Variants in PDE1A observed in about 807,000 individuals in gnomAD.
PDE1A encodes the protein phosphodiesterase 1A.
A neutral mutation model predicts 61.7 loss-of-function variants in PDE1A; 35 were observed. The observed-to-expected ratio is 0.57, with a 90% confidence interval of 0.43 to 0.75. The LOEUF is 0.75. Among genes scored for constraint, PDE1A ranks in the 30% least tolerant of loss-of-function variants. The pLI is 0.00. For synonymous variants in PDE1A, 232 were observed against 213.2 expected (o/e 1.09, Z -0.77); for missense variants, 597 against 630.6 (o/e 0.95, Z 0.57).
intron 2 of PDE1A, among the ~76,000 whole-genome samples, chr2:182,483,538 A>G (rs1323748045): frequency 2.0e-5 from 3 of 151,916 alleles, no homozygotes; most frequent in Non-Finnish European, 4.4e-5. Flanking sequence ...AAAACAAACA[A>G]CATACTCTAA....
chr2:182,663,798 C>A, the PDE1A span, among the ~76,000 whole-genome samples: 1 of 151,828 alleles, frequency 6.6e-6, no homozygotes, highest in South Asian at 2.1e-4. Context: ...GTATAACAAA[C>A]CTTCACATGT....
the PDE1A span, among the ~76,000 whole-genome samples, chr2:182,620,004 C>T: frequency 1.3e-5 from 2 of 152,170 alleles, no homozygotes; most frequent in East Asian, 3.9e-4. Context: ...GGCCTAATCA[C>T]CTCTTAAAGG....
At chr2:182,320,106 G>C (rs56332766) in intron 1 of PDE1A, among the ~76,000 whole-genome samples, 17,661 of 152,154 alleles carry the variant, frequency 0.12, 1,429 homozygotes, top group Non-Finnish European at 0.18. Context: ...AGTCAAGACT[G>C]GACAAATACA....
exon 14 of PDE1A, chr2:182,147,091 CTCA>C (rs1347359400): frequency 1.2e-6 from 2 of 1,604,750 alleles, no homozygotes; most frequent in South Asian, 1.1e-5. Context: ...ATGAATGTGT[CTCA>C]TCATGTTTTT....
intron 1 of PDE1A, among the ~76,000 whole-genome samples, chr2:182,378,474 T>G (rs1574493079): frequency 6.6e-6 from 1 of 152,342 alleles, no homozygotes; most frequent in African/African-American, 2.4e-5. Flanking sequence ...AGACCTGTGT[T>G]ATATAGTATA....
At chr2:182,429,298 T>G (rs1703797977), upstream of PDE1A, among the ~76,000 whole-genome samples, 1 of 152,142 alleles carries the variant, frequency 6.6e-6, no homozygotes. Context: ...AACTTTAATG[T>G]AGTATTCAAT....
At position 182,371,823 on chromosome 2, in the gene PDE1A, T is replaced by C. The variant is rs1321026330; in HGVS notation, c.53+54755A>G. 4.6e-5 allele frequency among the ~76,000 whole-genome samples: 7 copies of C among 152,332 alleles called. No homozygotes were observed. In the South Asian group the frequency reaches 8.3e-4, roughly 18 times the overall value. On this transcript the variant is annotated intron_variant, in intron 1 of 13. Coordinates refer to ENST00000351439, the Ensembl canonical transcript of PDE1A. ...TATTTAGAGACAGGGTCTCACTCTG[T>C]CACCAGGCTGGAGTGCAGTGATGCC...
At chr2:182,561,709 G>C in the PDE1A span, among the ~76,000 whole-genome samples, 1 of 151,928 alleles carries the variant, frequency 6.6e-6, no homozygotes, top group Non-Finnish European at 1.5e-5. Context: ...TCTTCCATTT[G>C]TTTGTATCCT....
At chr2:182,377,205 G>C (rs556300325) in intron 1 of PDE1A, among the ~76,000 whole-genome samples, 1 of 152,276 alleles carries the variant, frequency 6.6e-6, no homozygotes, top group African/African-American at 2.4e-5. Context: ...AGAAGTATTT[G>C]GTTCATGAGG....
chr2:182,522,347 T>A (rs374930760), exon 2 of PDE1A: 2 of 1,613,636 alleles, frequency 1.2e-6, no homozygotes, highest in Non-Finnish European at 1.7e-6. Flanking sequence ...TGTTTTCCAA[T>A]TCTTCAATCT....
the PDE1A span, among the ~76,000 whole-genome samples, chr2:182,681,614 A>G: frequency 2.0e-5 from 3 of 150,272 alleles, no homozygotes; most frequent in East Asian, 1.9e-4. Flanking sequence ...ATTTGTCAAT[A>G]TCTACTTAAG....
intron 2 of PDE1A, among the ~76,000 whole-genome samples, chr2:182,518,631 CT>C (rs1461508879): frequency 6.6e-6 from 1 of 152,120 alleles, no homozygotes; most frequent in Non-Finnish European, 1.5e-5. Context: ...GTGATAGATT[CT>C]AGTACTATGT....
chr2:182,454,365 T>G (rs78411735), intron 2 of PDE1A, among the ~76,000 whole-genome samples: 62,401 of 151,936 alleles, frequency 0.41, 13,496 homozygotes, highest in East Asian at 0.73. Flanking sequence ...ATAGATTCAA[T>G]GGTATCCCCA....
At chr2:182,226,671 C>T (rs1689167080) in intron 6 of PDE1A, among the ~76,000 whole-genome samples, 1 of 149,652 alleles carries the variant, frequency 6.7e-6, no homozygotes, top group African/African-American at 2.5e-5. Context: ...GTCACTCTTC[C>T]CAACTACAGC....
chr2:182,663,322 G>T, the PDE1A span, among the ~76,000 whole-genome samples: 1 of 151,904 alleles, frequency 6.6e-6, no homozygotes, highest in Non-Finnish European at 1.5e-5. Flanking sequence ...TCCATTACTG[G>T]GTATATACCC....
At chr2:182,501,656 T>C (rs1459856770) in intron 2 of PDE1A, among the ~76,000 whole-genome samples, 1 of 152,202 alleles carries the variant, frequency 6.6e-6, no homozygotes, top group East Asian at 1.9e-4. Context: ...TTTGTGCCTT[T>C]AAGAAGAAAA....
At chr2:182,395,490 G>A (rs1209306537) in intron 1 of PDE1A, among the ~76,000 whole-genome samples, 1 of 152,146 alleles carries the variant, frequency 6.6e-6, no homozygotes, top group Non-Finnish European at 1.5e-5. Context: ...AGTGGTGTGG[G>A]GCACGTTGAG....
At chr2:182,350,952 ACT>A (rs1698840181) in intron 1 of PDE1A, among the ~76,000 whole-genome samples, 1 of 151,954 alleles carries the variant, frequency 6.6e-6, no homozygotes, top group Admixed American at 6.6e-5. Context: ...AGTTGTTACC[ACT>A]CTGTAACTTT....
the PDE1A span, among the ~76,000 whole-genome samples, chr2:182,635,796 T>C: frequency 6.6e-6 from 1 of 151,928 alleles, no homozygotes; most frequent in African/African-American, 2.4e-5. Context: ...TGAGGTATAA[T>C]TAACAAATAA....
Sources: gnomAD v4.1 joint callset for allele counts (sites outside exome capture counted in the v4.1 genomes callset) on GRCh38, gnomAD v4.1.1 for gene constraint, MANE v1.5 for transcripts, NCBI Gene and HGNC (gene_info 2026-07-23, HGNC 2026-07-21) for gene names.